Variants in CFAP57 observed in about 807,000 individuals in gnomAD.
CFAP57 encodes cilia and flagella associated protein 57.
CFAP57 carries 116 observed loss-of-function variants against 146.8 expected under a neutral mutation model. The observed-to-expected ratio is 0.79, with a 90% CI of 0.68 to 0.92. The LOEUF (loss-of-function observed/expected upper bound fraction) is 0.92, where lower values mean the gene tolerates loss of function less well. CFAP57 is among the 40% of genes least tolerant of loss of function. CFAP57 has a pLI of 0.00. For synonymous variants in CFAP57, 518 were observed against 552.8 expected (o/e 0.94, Z 0.88); for missense variants, 1,377 against 1,527.2 (o/e 0.90, Z 1.64).
At chr1:43,252,629 A>C (rs993542448) in intron 22 of CFAP57, among the ~76,000 whole-genome samples, 2 of 152,210 alleles carry the variant, frequency 1.3e-5, no homozygotes, top group Non-Finnish European at 2.9e-5. Context: ...ACAACAACAA[A>C]AAAATCAAAC....
rs756020796 is a variant in CFAP57, at chr1:43,186,710, C to T, written c.973C>T (p.Pro325Ser). The T allele has an allele frequency of 2.5e-6, 4 of 1,613,532 alleles. No individual in the cohort carries two copies. The highest frequency in any genetic ancestry group is 1.7e-5 in the Admixed American group (1 of 59,980). The change falls in exon 6 of 23, where the codon CCT becomes TCT. Residue 325 changes from proline (P) to serine (S), a missense_variant. Pro to Ser is a moderately conservative substitution (Grantham distance 74, BLOSUM62 -1). Transcript: ENST00000372492. ...AGCTGTTTTGCATTTTGGGCAGATTCCTGTGGACCCGCAGAGCAATGATCC... is the reference window on the plus strand; with the variant it reads ...AGCTGTTTTGCATTTTGGGCAGATTTCTGTGGACCCGCAGAGCAATGATCC... Reference protein sequence around the residue: ...FYRESREIRIPVDPQSNDPSQ... With the variant: ...FYRESREIRISVDPQSNDPSQ...
chr1:43,236,910 C>G (rs1464835776), intron 21 of CFAP57, among the ~76,000 whole-genome samples: 2 of 88,206 alleles, frequency 2.3e-5, no homozygotes, highest in East Asian at 6.0e-4. Context: ...CTCCATCCCC[C>G]CCCAAAAAAA....
At chr1:43,196,326 A>C (rs1164994357) in intron 6 of CFAP57, 1 of 153,022 alleles carries the variant, frequency 6.5e-6, no homozygotes, top group African/African-American at 2.4e-5. Context: ...GGTTGAAGAT[A>C]TTGGAGAAAG....
chr1:43,220,615 T>C (rs1406273948), intron 13 of CFAP57, among the ~76,000 whole-genome samples: 1 of 152,128 alleles, frequency 6.6e-6, no homozygotes, highest in Non-Finnish European at 1.5e-5. Flanking sequence ...TTCTAGCTAC[T>C]TGGGAGGCTG....
At chr1:43,217,129 T>C (rs966884999) in intron 12 of CFAP57, among the ~76,000 whole-genome samples, 16 of 151,418 alleles carry the variant, frequency 1.1e-4, no homozygotes, top group Middle Eastern at 3.4e-3. Context: ...GATGAGGGAG[T>C]GGTGGTCTGC....
At chr1:43,226,830 T>G (rs1645261554) in intron 17 of CFAP57, among the ~76,000 whole-genome samples, 153 bp from the exon 18 acceptor site, 1 of 151,678 alleles carries the variant, frequency 6.6e-6, no homozygotes, top group South Asian at 2.1e-4. Flanking sequence ...ATGGGGGGAG[T>G]GCCAGCCTCT....
rs142020328 is a variant in CFAP57 at position 43,240,356 on chromosome 1, C to T, written c.3406-2871C>T. ...TGTGTATGTGCCATGGGACTGTTTT[C>T]CTTAGTAGGTTTTCAGATATCTTCT... On this transcript the variant is annotated intron_variant, in intron 21 of 22. Coordinates refer to ENST00000372492, the MANE Select transcript of CFAP57 (RefSeq NM_001378189.1). Among the ~76,000 whole-genome samples, 312 of 152,258 alleles carry T rather than the reference C, an allele frequency of 2.0e-3. 1 individual carries two copies. The highest frequency in any genetic ancestry group is 6.9e-3 in the African/African-American group (287 of 41,538).
chr1:43,191,206 A>G (rs777578760), intron 6 of CFAP57, among the ~76,000 whole-genome samples: 25 of 151,978 alleles, frequency 1.6e-4, no homozygotes, highest in Non-Finnish European at 2.1e-4. Context: ...TCATTCTAGG[A>G]ATTTGTCTAT....
At chr1:43,180,512 A>G (rs114478398) in intron 2 of CFAP57, among the ~76,000 whole-genome samples, 2,164 of 151,964 alleles carry the variant, frequency 0.014, 51 homozygotes, top group African/African-American at 0.05. Context: ...GAGTGATGTG[A>G]CGGGTCCCCA....
intron 18 of CFAP57, among the ~76,000 whole-genome samples, chr1:43,230,297 G>A (rs1026181430): frequency 6.6e-6 from 1 of 152,142 alleles, no homozygotes; most frequent in Non-Finnish European, 1.5e-5. Flanking sequence ...CTTGGCCTAG[G>A]ACGCTATCAT....
chr1:43,184,505 A>G (rs928551574), intron 4 of CFAP57, among the ~76,000 whole-genome samples: 4 of 152,192 alleles, frequency 2.6e-5, no homozygotes, highest in African/African-American at 9.7e-5. Context: ...CTTACCCTGT[A>G]TAGTTCATAC....
chr1:43,181,907 T>C (rs1032974987), intron 3 of CFAP57, 57 bp downstream of exon 3: 2 of 1,577,974 alleles, frequency 1.3e-6, no homozygotes, highest in East Asian at 2.2e-5. Flanking sequence ...CTACTTTTTA[T>C]TGAATGTTTT....
Position 43,197,619 on chromosome 1 carries a change from A to G in CFAP57, c.1189A>G (p.Thr397Ala). ...CTCAGCACCCATCACCGGTCTAGCT[A>G]CCTGCATCCGCAAACCCCTTATAGC... Reference protein sequence around the residue: ...LHSAPITGLATCIRKPLIATC... With the variant: ...LHSAPITGLAACIRKPLIATC... Residue 397 changes from threonine to alanine, a missense_variant, in exon 7 of 23, where the codon ACC becomes GCC. Thr to Ala is a moderately conservative substitution (Grantham distance 58). Transcript: ENST00000372492. The G allele has an allele frequency of 1.9e-6, 3 of 1,614,120 alleles. No individual in the cohort carries two copies. The highest frequency in any genetic ancestry group is 2.5e-6 in the Non-Finnish European group (3 of 1,180,030).
At chr1:43,183,916 G>T in intron 4 of CFAP57, 39 bp downstream of exon 4, 1 of 1,611,684 alleles carries the variant, frequency 6.2e-7, no homozygotes, top group Non-Finnish European at 8.5e-7. Flanking sequence ...CACATTCATT[G>T]TACTGACAGC....
At chr1:43,175,800 C>T (rs1645147255) in intron 2 of CFAP57, among the ~76,000 whole-genome samples, 1 of 150,102 alleles carries the variant, frequency 6.7e-6, no homozygotes, top group Non-Finnish European at 1.5e-5. Flanking sequence ...GCCACCACAC[C>T]TGACGTTCAT....
intron 6 of CFAP57, among the ~76,000 whole-genome samples, chr1:43,191,509 C>T (rs1021519898): frequency 6.7e-6 from 1 of 149,672 alleles, no homozygotes; most frequent in African/African-American, 2.5e-5. Flanking sequence ...ATGGCGTGAA[C>T]CCGGGAAGCA....
Position 43,181,669 on chromosome 1 carries a change from A to C in CFAP57, c.293A>C (p.Lys98Thr), listed in dbSNP as rs1189126383. 5.0e-6 allele frequency: 8 copies of C among 1,614,068 alleles called. No individual in the cohort carries two copies. Among genetic ancestry groups the C allele is most frequent in the Non-Finnish European group, 5.9e-6 (7 of 1,180,038 alleles). The change falls in exon 3 of 23, where the codon AAA (lysine) becomes ACA (threonine). Residue 98 changes from lysine (K) to threonine (T), a missense_variant. By Grantham distance (78) the Lys-to-Thr change is moderately conservative. Transcript: ENST00000372492. ...ELSSIPCRKR[K>T]VLNNFDFQVQ... ...TCATCCATCCCTTGCCGGAAGCGCA[A>C]AGTTCTTAATAATTTTGACTTCCAA...
chr1:43,210,366 A>G, intron 11 of CFAP57: 1 of 1,309,410 alleles, frequency 7.6e-7, no homozygotes. Flanking sequence ...TTGTCCTTCC[A>G]TTCACCCTTC....
At chr1:43,179,601 G>A (rs1483244482) in intron 2 of CFAP57, among the ~76,000 whole-genome samples, 1 of 152,122 alleles carries the variant, frequency 6.6e-6, no homozygotes, top group Admixed American at 6.5e-5. Flanking sequence ...AGGAGGGAGT[G>A]AGCAGTGTTC....
Sources: gnomAD v4.1 joint callset for allele counts (sites outside exome capture counted in the v4.1 genomes callset) on GRCh38, gnomAD v4.1.1 for gene constraint, MANE v1.5 for transcripts, NCBI Gene and HGNC (gene_info 2026-07-23, HGNC 2026-07-21) for gene names.